ALK: variants seen among roughly 807,000 people sequenced by gnomAD.
ALK encodes the protein ALK tyrosine kinase receptor.
A neutral mutation model predicts 163.1 loss-of-function variants in ALK; 74 were observed. The observed-to-expected ratio is 0.45, with a 90% CI of 0.38 to 0.55. The LOEUF (loss-of-function observed/expected upper bound fraction) is 0.55, where lower values mean the gene tolerates loss of function less well. Ranked by LOEUF, ALK falls within the 20% of genes least tolerant of loss-of-function variation. The pLI is 0.00. For synonymous variants in ALK, 960 were observed against 843.2 expected (o/e 1.14, Z -2.40); for missense variants, 2,063 against 2,105.3 (o/e 0.98, Z 0.39).
intron 1 of ALK, among the ~76,000 whole-genome samples, chr2:29,726,906 G>T (rs1679591590): frequency 6.6e-6 from 1 of 152,234 alleles, no homozygotes; most frequent in South Asian, 2.1e-4. Flanking sequence ...TAGGATGTAT[G>T]ACTGCAGACC....
At chr2:29,813,540 T>C (rs531447081) in intron 1 of ALK, among the ~76,000 whole-genome samples, 30 of 152,290 alleles carry the variant, frequency 2.0e-4, no homozygotes, top group Admixed American at 3.9e-4. Flanking sequence ...CAAGACAGCC[T>C]GCTAAATTCA....
At chr2:29,856,671 C>T (rs960317129) in intron 1 of ALK, among the ~76,000 whole-genome samples, 5 of 152,174 alleles carry the variant, frequency 3.3e-5, no homozygotes, top group Non-Finnish European at 7.3e-5. Flanking sequence ...TGTCTGCCTA[C>T]GATGTGCACA....
chr2:29,339,915 C>T (rs1667740383), intron 5 of ALK, among the ~76,000 whole-genome samples: 1 of 152,202 alleles, frequency 6.6e-6, no homozygotes, highest in Non-Finnish European at 1.5e-5. Flanking sequence ...CTGTAGGCCA[C>T]CCGCAGGAAG....
At chr2:29,675,673 C>T (rs923029120) in intron 3 of ALK, among the ~76,000 whole-genome samples, 9 of 152,040 alleles carry the variant, frequency 5.9e-5, no homozygotes, top group Middle Eastern at 3.4e-3. Flanking sequence ...TGTATGTCTT[C>T]GGACAATTCT....
rs1060503881 is a variant in ALK at position 29,251,215 on chromosome 2, C to T, written c.2094G>A (p.Gln698=). 7.4e-6 allele frequency: 12 copies of T among 1,614,038 alleles called. No individual in the cohort carries two copies. Among genetic ancestry groups the T allele is most frequent in the Middle Eastern group, 1.6e-4 (1 of 6,082 alleles). The change falls in exon 12 of 29, where the codon CAG becomes CAA. Residue 698 remains glutamine (Q), a synonymous_variant. Coordinates refer to ENST00000389048, the MANE Select transcript of ALK (RefSeq NM_004304.5). ...TCTGGTAGGCGTTGTTGCACTGTGC[C>T]TGGGTGGGGCCATGGGGCCCGCTGG... is the stretch of plus-strand genomic sequence containing the variant. The part of the protein sequence containing the change: ...CGASGPHGPT[Q]AQCNNAYQNS...
chr2:29,274,314 C>G (rs979180978), intron 11 of ALK, among the ~76,000 whole-genome samples: 1 of 152,196 alleles, frequency 6.6e-6, no homozygotes, highest in Non-Finnish European at 1.5e-5. Context: ...TTGATAAAGA[C>G]TTATCTTTTA....
At chr2:29,455,492 A>G (rs2148096826) in intron 4 of ALK, among the ~76,000 whole-genome samples, 1 of 152,230 alleles carries the variant, frequency 6.6e-6, no homozygotes, top group South Asian at 2.1e-4. Context: ...AATTACATCA[A>G]CCTCACAATC....
Position 29,714,146 on chromosome 2 carries a change from T to A in ALK, c.787+3432A>T, listed in dbSNP as rs562906552. On this transcript the variant is annotated intron_variant, in intron 2 of 28. Transcript: ENST00000389048. ...AAGCCTATAAATAAGTCTAAGGGCA[T>A]GAGAGCTGATGATAAAAAGAAAAAT... Among the ~76,000 whole-genome samples the A allele has an allele frequency of 3.3e-5, 5 of 152,268 alleles. No homozygotes were observed. The South Asian group carries it at 1.0e-3, about 32-fold the overall frequency.
At chr2:29,837,939 A>C (rs1191291433) in intron 1 of ALK, among the ~76,000 whole-genome samples, 1 of 152,192 alleles carries the variant, frequency 6.6e-6, no homozygotes, top group East Asian at 1.9e-4. Flanking sequence ...AGGTATTGTA[A>C]GTTGTTCATA....
At chr2:29,435,407 C>A (rs1277280089) in intron 4 of ALK, among the ~76,000 whole-genome samples, 2 of 151,952 alleles carry the variant, frequency 1.3e-5, no homozygotes, top group Non-Finnish European at 2.9e-5. Context: ...GGCAGCCCTG[C>A]CAGATGCCAC....
intron 3 of ALK, among the ~76,000 whole-genome samples, chr2:29,635,006 C>A (rs978733098): frequency 6.6e-6 from 1 of 152,074 alleles, no homozygotes; most frequent in South Asian, 2.1e-4. Flanking sequence ...AACACCCAGG[C>A]ATCAAAATTA....
intron 9 of ALK, among the ~76,000 whole-genome samples, chr2:29,294,717 A>T (rs746892193): frequency 1.3e-5 from 2 of 152,202 alleles, no homozygotes; most frequent in Non-Finnish European, 2.9e-5. Flanking sequence ...TTGTGAAATT[A>T]TACTGTTATT....
At chr2:29,324,645 C>T (rs141563169) in intron 6 of ALK, among the ~76,000 whole-genome samples, 164 of 152,324 alleles carry the variant, frequency 1.1e-3, no homozygotes, top group African/African-American at 3.8e-3. Context: ...ATCACTGACC[C>T]ATCTAGGGGA....
rs139427211 is a variant in ALK, at chr2:29,879,957, C to G, written c.667+40036G>C. Among the ~76,000 whole-genome samples the G allele has an allele frequency of 6.2e-3, 945 of 152,286 alleles. 9 individuals carry two copies. The highest frequency in any genetic ancestry group is 0.022 in the African/African-American group (901 of 41,570). On this transcript the variant is annotated intron_variant, in intron 1 of 28. Coordinates refer to ENST00000389048, the MANE Select transcript of ALK (RefSeq NM_004304.5). ...ACTTCACAGTCATCTGATGCTAATC[C>G]AACTCTTTATCACCTGAGATGATTT...
chr2:29,417,298 G>C (rs1439398470), intron 4 of ALK, among the ~76,000 whole-genome samples: 2 of 152,120 alleles, frequency 1.3e-5, no homozygotes, highest in African/African-American at 4.8e-5. Context: ...AAACATTCAA[G>C]CAGGTCAATA....
At chr2:29,784,409 G>A (rs1663942056) in intron 1 of ALK, among the ~76,000 whole-genome samples, 1 of 152,146 alleles carries the variant, frequency 6.6e-6, no homozygotes, top group Admixed American at 6.5e-5. Context: ...TAAAGAACTG[G>A]TCCAGGCTGG....
intron 3 of ALK, among the ~76,000 whole-genome samples, chr2:29,546,810 C>T (rs1007170281): frequency 6.6e-5 from 10 of 151,678 alleles, no homozygotes; most frequent in African/African-American, 2.4e-4. Flanking sequence ...CAATTTTTTG[C>T]CCATTTCCTT....
intron 11 of ALK, among the ~76,000 whole-genome samples, chr2:29,262,573 CT>C (rs1169858470): frequency 2.6e-5 from 4 of 152,378 alleles, no homozygotes; most frequent in Admixed American, 6.5e-5. Context: ...CTCATTTTTA[CT>C]GTTACACTGT....
intron 3 of ALK, among the ~76,000 whole-genome samples, chr2:29,567,495 CTT>C (rs1387921364): frequency 6.6e-6 from 1 of 152,180 alleles, no homozygotes; most frequent in Non-Finnish European, 1.5e-5. Context: ...ATTGACACAG[CTT>C]TTGTCTACTC....
Sources: gnomAD v4.1 joint callset for allele counts (sites outside exome capture counted in the v4.1 genomes callset) on GRCh38, gnomAD v4.1.1 for gene constraint, MANE v1.5 for transcripts, NCBI Gene and HGNC (gene_info 2026-07-23, HGNC 2026-07-21) for gene names.